The following ZP3 variants were observed in gnomAD, a reference collection of about 807,000 sequenced individuals.
The protein encoded by ZP3 is zona pellucida sperm-binding protein 3.
In ZP3, 21 loss-of-function variants were observed where a neutral mutation model predicts 35.6. The ratio of observed to expected loss-of-function variants is 0.59; its 90% confidence interval spans 0.42 to 0.85. The LOEUF (loss-of-function observed/expected upper bound fraction) is 0.85, where lower values mean the gene tolerates loss of function less well. Among genes scored for constraint, ZP3 ranks in the 40% least tolerant of loss-of-function variants. ZP3 has a pLI of 0.00. For missense variants in ZP3, 437 were observed against 536.5 expected (o/e 0.81, Z 1.83); for synonymous variants, 207 against 214.5 (o/e 0.96, Z 0.31).
chr7:76,413,806 A>G (rs1805305566), intron 1 of ZP3, among the ~76,000 whole-genome samples: 1 of 151,962 alleles, frequency 6.6e-6, no homozygotes, highest in Admixed American at 6.6e-5. Context: ...AGCTGGGACT[A>G]CAGGCGTGCG....
intron 3 of ZP3, 139 bp downstream of exon 3, chr7:76,433,169 T>TTTTGGTTGGA: frequency 1.3e-6 from 1 of 789,308 alleles, no homozygotes; most frequent in Non-Finnish European, 2.0e-6. Flanking sequence ...TTTTGGTTGG[T>TTTTGGTTGGA]TTTTGAGACA....
At chr7:76,435,630 G>A (rs1013207181) in intron 5 of ZP3, among the ~76,000 whole-genome samples, 2 of 152,248 alleles carry the variant, frequency 1.3e-5, no homozygotes, top group East Asian at 1.9e-4. Flanking sequence ...ATTGGGGTAG[G>A]GCATGGTGTC....
chr7:76,397,617 G>A (rs1229575491), exon 1 of ZP3: 1 of 1,612,878 alleles, frequency 6.2e-7, no homozygotes, highest in Non-Finnish European at 8.5e-7. Flanking sequence ...CCTTCGCAGT[G>A]CACGTTGTCC....
chr7:76,413,825 C>T (rs1283922032), intron 1 of ZP3, among the ~76,000 whole-genome samples: 6 of 151,934 alleles, frequency 3.9e-5, no homozygotes, highest in African/African-American at 1.5e-4. Flanking sequence ...CGCCACCATG[C>T]CCAGCTAATT....
chr7:76,405,339 C>T (rs918050751), intron 1 of ZP3, among the ~76,000 whole-genome samples: 301 of 21,238 alleles, frequency 0.014, 1 homozygote, highest in African/African-American at 0.023. Context: ...TTCTTTCTTT[C>T]TTTTTTTTTT....
At chr7:76,435,301 C>T (rs1475998956) in intron 5 of ZP3, among the ~76,000 whole-genome samples, 4 of 152,238 alleles carry the variant, frequency 2.6e-5, no homozygotes, top group Admixed American at 6.5e-5. Flanking sequence ...TACAGGTACC[C>T]GCCACCATGC....
chr7:76,412,193 A>G (rs1805263647), intron 1 of ZP3, among the ~76,000 whole-genome samples: 1 of 151,784 alleles, frequency 6.6e-6, no homozygotes. Context: ...GTCTCAAAAA[A>G]AAAAAAAAAG....
intron 1 of ZP3, among the ~76,000 whole-genome samples, chr7:76,413,047 G>GGAGTGCAATGATGTGATCTCGGTTCAC (rs1375771043): frequency 1.1e-4 from 15 of 138,374 alleles, no homozygotes; most frequent in African/African-American, 4.0e-4. Flanking sequence ...ACTGCAACCT[G>GGAGTGCAATGATGTGATCTCGGTTCAC]TGCCTCCTGG....
At chr7:76,404,516 A>C in intron 1 of ZP3, 1 of 1,609,300 alleles carries the variant, frequency 6.2e-7, no homozygotes, top group East Asian at 2.2e-5. Context: ...CTGAAATTAA[A>C]GATCCCAAAT....
At chr7:76,416,211 T>C (rs971903987) in intron 1 of ZP3, among the ~76,000 whole-genome samples, 2 of 151,892 alleles carry the variant, frequency 1.3e-5, no homozygotes, top group Admixed American at 6.6e-5. Context: ...GAGGATAGCT[T>C]GAGCCCAGGA....
At chr7:76,436,517 T>C (rs1044699710) in intron 5 of ZP3, among the ~76,000 whole-genome samples, 2 of 152,236 alleles carry the variant, frequency 1.3e-5, no homozygotes, top group African/African-American at 4.8e-5. Flanking sequence ...TAGAAACTTT[T>C]CAAAGATGAC....
chr7:76,416,421 T>C (rs901408830), intron 1 of ZP3, among the ~76,000 whole-genome samples: 1 of 152,112 alleles, frequency 6.6e-6, no homozygotes, highest in Non-Finnish European at 1.5e-5. Context: ...AGTGAGACCC[T>C]GTCTCAACAA....
rs1215290280 is a variant in ZP3 at position 76,425,214 on chromosome 7, A to G, written c.250A>G (p.Met84Val). ...GPEACEPLVS[M>V]DTEDVVRFEV... Reference sequence around the variant, plus strand: ...AGAGGCCTGTGAGCCTCTGGTCTCCATGGACACAGAAGATGTGGTCAGGTT... The same window carrying G: ...AGAGGCCTGTGAGCCTCTGGTCTCCGTGGACACAGAAGATGTGGTCAGGTT... The change falls in exon 1 of 8, where the codon ATG becomes GTG. Residue 84 changes from methionine to valine, a missense_variant. Around this residue, in one of 6 missense-constraint regions of ZP3, gnomAD observed 352 missense variants for 308.4 expected, o/e 1.14. Coordinates refer to ENST00000394857, the MANE Select transcript of ZP3 (RefSeq NM_001110354.2). 1 of 1,613,944 alleles carries G rather than the reference A, an allele frequency of 6.2e-7. No homozygotes were observed. Among genetic ancestry groups the G allele is most frequent in the Non-Finnish European group, 8.5e-7 (1 of 1,180,014 alleles).
chr7:76,397,868 A>C (rs1192241318), intron 1 of ZP3: 1 of 1,485,502 alleles, frequency 6.7e-7, no homozygotes, highest in Non-Finnish European at 9.0e-7. Flanking sequence ...CGCATCTCCC[A>C]CTGGCCTCTG....
In ZP3 at chr7:76,397,629, G is replaced by A. The variant is rs77008819; in HGVS notation, c.-235G>A. The A allele has an allele frequency of 4.7e-5, 76 of 1,613,570 alleles. No individual in the cohort carries two copies. The African/African-American group carries it at 8.8e-4, about 19-fold the overall frequency. On this transcript the variant is annotated 5_prime_UTR_variant, in exon 1 of 9. Transcript: ENST00000336517. Reference sequence around the variant, plus strand: ...CCGCCTTCGCAGTGCACGTTGTCCAGCAGGATGTGTCCGGTGCCATAGCCG... The same window carrying A: ...CCGCCTTCGCAGTGCACGTTGTCCAACAGGATGTGTCCGGTGCCATAGCCG...
At chr7:76,404,540 C>T (rs1024386865) in intron 1 of ZP3, 3 of 1,586,956 alleles carry the variant, frequency 1.9e-6, no homozygotes, top group Non-Finnish European at 2.6e-6. Context: ...GCTGGGCCTC[C>T]CAGCACTTTG....
At chr7:76,417,068 T>C (rs1449579213) in intron 1 of ZP3, among the ~76,000 whole-genome samples, 3 of 151,560 alleles carry the variant, frequency 2.0e-5, no homozygotes. Flanking sequence ...TTTGTTTGTT[T>C]GTTTTTGAGA....
chr7:76,425,647 G>A (rs145575636), intron 1 of ZP3, among the ~76,000 whole-genome samples: 11 of 152,310 alleles, frequency 7.2e-5, no homozygotes, highest in African/African-American at 2.6e-4. Context: ...ATCCTGAAGA[G>A]ACCCAAAGTA....
At chr7:76,433,366 G>T in intron 3 of ZP3, 104 bp from the exon 4 acceptor site, 2 of 1,287,130 alleles carry the variant, frequency 1.6e-6, no homozygotes, top group Non-Finnish European at 2.1e-6. Flanking sequence ...CGTTGGCTAG[G>T]CTGGTCTCGA....
Sources: gnomAD v4.1 joint callset for allele counts (sites outside exome capture counted in the v4.1 genomes callset) on GRCh38, gnomAD v4.1.1 for gene constraint, gnomAD v4.1.1 regional missense constraint, MANE v1.5 for transcripts, NCBI Gene and HGNC (gene_info 2026-07-23, HGNC 2026-07-21) for gene names.